The following AFTPH variants were observed in gnomAD, a reference collection of about 807,000 sequenced individuals.
AFTPH encodes the protein aftiphilin.
AFTPH carries 7 observed loss-of-function variants against 72.5 expected under a neutral mutation model. That is an observed-to-expected ratio of 0.10 (90% CI 0.05 to 0.18). The LOEUF (loss-of-function observed/expected upper bound fraction) is 0.18. Among genes scored for constraint, AFTPH ranks in the 10% least tolerant of loss-of-function variants. The pLI, the probability that AFTPH is intolerant of heterozygous loss-of-function variation, is 1.00. For missense variants in AFTPH, 979 were observed against 1,060.5 expected (o/e 0.92, Z 1.07); for synonymous variants, 337 against 370.1 (o/e 0.91, Z 1.03).
chr2:64,591,546 T>A (rs191512595), intron 8 of AFTPH, among the ~76,000 whole-genome samples: 1 of 152,234 alleles, frequency 6.6e-6, no homozygotes, highest in Admixed American at 6.5e-5. Context: ...CAGATTTATA[T>A]TTCTGTTTAG....
At chr2:64,582,195 C>G (rs919313848) in intron 7 of AFTPH, among the ~76,000 whole-genome samples, 2 of 152,170 alleles carry the variant, frequency 1.3e-5, no homozygotes, top group African/African-American at 2.4e-5. Context: ...TCTGTCCCCA[C>G]TAGTGGCCAG....
chr2:64,577,321 T>C (rs1275299112), intron 6 of AFTPH, among the ~76,000 whole-genome samples: 1 of 152,232 alleles, frequency 6.6e-6, no homozygotes, highest in Non-Finnish European at 1.5e-5. Flanking sequence ...TTTTAGTCTT[T>C]TTTTGCTTCG....
chr2:64,560,161 G>A (rs1671632117), intron 2 of AFTPH, among the ~76,000 whole-genome samples: 1 of 152,130 alleles, frequency 6.6e-6, no homozygotes, highest in Non-Finnish European at 1.5e-5. Context: ...TGCCAGTCGA[G>A]AAGCTCTGCA....
chr2:64,553,336 A>C, exon 2 of AFTPH: 1 of 1,613,820 alleles, frequency 6.2e-7, no homozygotes. Flanking sequence ...CCCAAAACGC[A>C]CAGTGTACCT....
At chr2:64,546,157 C>T (rs559199533) in intron 1 of AFTPH, among the ~76,000 whole-genome samples, 19 of 151,134 alleles carry the variant, frequency 1.3e-4, no homozygotes, top group Admixed American at 2.0e-4. Flanking sequence ...CCTCCCAAAG[C>T]GCTGGGATTA....
At chr2:64,574,119 CAG>C (rs1191054889) in intron 6 of AFTPH, among the ~76,000 whole-genome samples, 1 of 152,220 alleles carries the variant, frequency 6.6e-6, no homozygotes, top group Non-Finnish European at 1.5e-5. Context: ...CAAACTGACT[CAG>C]TGCTGGTTAA....
chr2:64,559,146 T>G (rs1262626538), intron 2 of AFTPH, among the ~76,000 whole-genome samples: 2 of 152,216 alleles, frequency 1.3e-5, no homozygotes, highest in Admixed American at 6.5e-5. Context: ...TGGGGTCCTG[T>G]GTACACCTCT....
At chr2:64,524,358 C>T (rs1669113108) in exon 1 of AFTPH, 2 of 401,766 alleles carry the variant, frequency 5.0e-6, no homozygotes, top group South Asian at 1.1e-4. Flanking sequence ...GTGGAGTGGG[C>T]GGGGGGTCTC....
At position 64,577,036 on chromosome 2, in the gene AFTPH, G is replaced by A. The variant is rs548560789; in HGVS notation, c.2395-2450G>A. Among the ~76,000 whole-genome samples, 11 of 152,230 alleles carry A rather than the reference G, an allele frequency of 7.2e-5. No homozygotes were observed. In the South Asian group the frequency reaches 2.3e-3, roughly 32 times the overall value. On this transcript the variant is annotated intron_variant, in intron 6 of 8. Coordinates refer to ENST00000238856, the Ensembl canonical transcript of AFTPH. ...GGCCTCCCAAAGTGTTGGGATTACA[G>A]GTGTGAGCCACCGCGCCTGGCCACC...
At chr2:64,538,206 A>C (rs573070842) in intron 1 of AFTPH, among the ~76,000 whole-genome samples, 72 of 152,292 alleles carry the variant, frequency 4.7e-4, no homozygotes, top group African/African-American at 1.3e-3. Flanking sequence ...GCTTTATATG[A>C]CGGGCCAATT....
chr2:64,587,433 C>T lies in AFTPH; in HGVS notation c.2579+1888C>T, dbSNP rs3770727. ...AATGTCCCAACGAGTGATTCTCAAT[C>T]GTACAGAGCAGAGACAGGCTGGTAG... On this transcript the variant is annotated intron_variant, in intron 8 of 8. Coordinates refer to ENST00000238856, the Ensembl canonical transcript of AFTPH. 2.6e-5 allele frequency among the ~76,000 whole-genome samples: 4 copies of T among 152,198 alleles called. No individual in the cohort carries two copies. The East Asian group carries it at 5.8e-4, about 22-fold the overall frequency.
intron 7 of AFTPH, among the ~76,000 whole-genome samples, chr2:64,585,084 T>A (rs1027436498): frequency 6.6e-6 from 1 of 152,206 alleles, no homozygotes; most frequent in Non-Finnish European, 1.5e-5. Context: ...TATAAAACAT[T>A]GATAATTTTA....
intron 6 of AFTPH, among the ~76,000 whole-genome samples, chr2:64,573,355 A>C (rs1046839011): frequency 1.1e-4 from 16 of 152,118 alleles, no homozygotes; most frequent in African/African-American, 3.6e-4. Context: ...GGTTTAAAAC[A>C]GGTATCTCTA....
chr2:64,592,605 T>TAATC (rs3214418), exon 9 of AFTPH: 27,672 of 152,494 alleles, frequency 0.18, 3,248 homozygotes, highest in African/African-American at 0.34. Context: ...GCAAGGTACT[T>TAATC]AATTGCTCTT....
intron 6 of AFTPH, among the ~76,000 whole-genome samples, chr2:64,578,661 A>G (rs200074515): frequency 1.3e-5 from 2 of 151,706 alleles, no homozygotes; most frequent in Admixed American, 6.6e-5. Flanking sequence ...GGGTTCAAGC[A>G]ATTCTCCTGC....
At chr2:64,591,851 A>T (rs371168162) in intron 8 of AFTPH, 37 bp from the exon 10 acceptor site, 340 of 1,607,532 alleles carry the variant, frequency 2.1e-4, no homozygotes, top group Non-Finnish European at 2.8e-4. Flanking sequence ...CAGCAAAGTC[A>T]CATTAACACA....
At chr2:64,548,209 A>T (rs1259059464) in intron 1 of AFTPH, among the ~76,000 whole-genome samples, 1 of 145,380 alleles carries the variant, frequency 6.9e-6, no homozygotes, top group Admixed American at 6.8e-5. Flanking sequence ...CTGGCTAACA[A>T]GGTGAAACCC....
chr2:64,540,112 G>A (rs532373118), intron 1 of AFTPH, among the ~76,000 whole-genome samples: 3 of 152,200 alleles, frequency 2.0e-5, no homozygotes, highest in Admixed American at 6.5e-5. Flanking sequence ...TTTAGTGAAG[G>A]GACATGAAAT....
At chr2:64,565,669 C>G (rs1672038093) in intron 2 of AFTPH, among the ~76,000 whole-genome samples, 1 of 152,138 alleles carries the variant, frequency 6.6e-6, no homozygotes, top group Non-Finnish European at 1.5e-5. Flanking sequence ...CTGGAACATA[C>G]CCATGCTTAT....
Sources: allele counts gnomAD v4.1 joint callset (sites outside exome capture counted in the v4.1 genomes callset), GRCh38; gene constraint gnomAD v4.1.1; transcripts MANE v1.5; gene names NCBI Gene and HGNC (gene_info 2026-07-23, HGNC 2026-07-21).